BCL11A: variants seen among roughly 807,000 people sequenced by gnomAD.
The protein encoded by BCL11A is B cell CLL/lymphoma 11A.
Under a neutral mutation model 55.9 loss-of-function variants are expected in BCL11A, and 2 were observed. The observed-to-expected ratio is 0.04, with a 90% CI of 0.01 to 0.11. The LOEUF is 0.11. BCL11A is among the 10% of genes least tolerant of loss of function. The pLI, the probability that BCL11A is intolerant of heterozygous loss-of-function variation, is 1.00. For missense variants in BCL11A, 817 were observed against 1,137.1 expected (o/e 0.72, Z 4.05); for synonymous variants, 465 against 473.4 (o/e 0.98, Z 0.23).
chr2:60,540,025 T>G (rs773182523), intron 2 of BCL11A, among the ~76,000 whole-genome samples: 7 of 152,350 alleles, frequency 4.6e-5, no homozygotes, highest in Middle Eastern at 3.4e-3. Flanking sequence ...CATTAAATTA[T>G]ATAGTCTGAA....
chr2:60,553,110 T>A (rs1670489681), intron 1 of BCL11A, 106 bp downstream of exon 1: 2 of 1,243,680 alleles, frequency 1.6e-6, no homozygotes, highest in Admixed American at 2.8e-5. Context: ...TCGTGAAAAA[T>A]TTAAAAATGC....
Position 60,458,008 on chromosome 2 carries a change from A to T in BCL11A, c.*2396T>A. ...TTGCACTATATTATCCTGCCAAATT[A>T]AAAAAATATACTGTGGCAGCCTGTC... is the stretch of plus-strand genomic sequence containing the variant. On this transcript the variant is annotated 3_prime_UTR_variant, in exon 4 of 4. Transcript: ENST00000642384. The T allele has an allele frequency of 9.7e-7, 1 of 1,032,760 alleles. No homozygotes were observed. Among genetic ancestry groups the T allele is most frequent in the Non-Finnish European group, 1.2e-6 (1 of 858,726 alleles). The allele number at this position is 1,032,760 out of a possible 1,614,324, so 64.0% of individuals were successfully genotyped here. A position where few individuals can be genotyped will look rare whatever the true frequency, so the allele number is the denominator to read the frequency against.
chr2:60,512,859 A>G (rs997371055), intron 2 of BCL11A, among the ~76,000 whole-genome samples: 1 of 152,210 alleles, frequency 6.6e-6, no homozygotes, highest in Non-Finnish European at 1.5e-5. Context: ...ATACACACCT[A>G]AAGTAAATGA....
At chr2:60,497,859 A>G (rs191734859) in intron 2 of BCL11A, among the ~76,000 whole-genome samples, 3 of 152,192 alleles carry the variant, frequency 2.0e-5, no homozygotes, top group Admixed American at 1.3e-4. Flanking sequence ...GATCCTGCAC[A>G]TTGTCCTAAA....
intron 2 of BCL11A, among the ~76,000 whole-genome samples, chr2:60,485,017 A>C (rs758099730): frequency 2.6e-5 from 4 of 152,046 alleles, no homozygotes; most frequent in Non-Finnish European, 5.9e-5. Flanking sequence ...TTTAAATCAA[A>C]ATAGGAAATA....
At chr2:60,467,992 AATGGTGGTG>A in intron 3 of BCL11A, among the ~76,000 whole-genome samples, 1 of 3,362 alleles carries the variant, frequency 3.0e-4, no homozygotes, top group South Asian at 0.01. Flanking sequence ...TGGTGGTGGT[AATGGTGGTG>A]GTGGTGATGG....
chr2:60,466,871 T>G lies in BCL11A; in HGVS notation c.487+1861A>C, dbSNP rs549064529. On this transcript the variant is annotated intron_variant, in intron 3 of 3. Transcript: ENST00000642384. Reference sequence around the variant, plus strand: ...TTTTCTTCTTGAACCTGCTTTTTTGTGTTTAGGGTGGAATCACTGCCCACC... The same window carrying G: ...TTTTCTTCTTGAACCTGCTTTTTTGGGTTTAGGGTGGAATCACTGCCCACC... 2.3e-3 allele frequency among the ~76,000 whole-genome samples: 344 copies of G among 152,324 alleles called. 1 individual carries two copies. The highest frequency in any genetic ancestry group is 7.8e-3 in the African/African-American group (325 of 41,570).
intron 2 of BCL11A, chr2:60,537,391 G>A (rs1306863763): frequency 3.9e-5 from 6 of 152,216 alleles, no homozygotes. Flanking sequence ...ATCGGGGCAG[G>A]GGAGTTAAAA....
In BCL11A at chr2:60,468,805, G is replaced by A. The variant is rs1160550306; in HGVS notation, c.414C>T (p.Ser138=). The change falls in exon 3 of 4, where the codon TCC becomes TCT. Residue 138 remains serine (S), a synonymous_variant. Coordinates refer to ENST00000642384, the MANE Select transcript of BCL11A (RefSeq NM_022893.4). ...GAGCTCCATGTGCAGAACGAGGGGA[G>A]GAGAGGCCCCTCCAGTGCAGAAGTT... The part of the protein sequence containing the change: ...ADKLLHWRGL[S]SPRSAHGALI... 4 of 1,607,814 alleles carry A rather than the reference G, an allele frequency of 2.5e-6. No homozygotes were observed. The highest frequency in any genetic ancestry group is 2.2e-5 in the South Asian group (2 of 89,602).
At chr2:60,511,556 T>C (rs1679987966) in intron 2 of BCL11A, among the ~76,000 whole-genome samples, 1 of 152,206 alleles carries the variant, frequency 6.6e-6, no homozygotes, top group Non-Finnish European at 1.5e-5. Context: ...TTCTTCTTTT[T>C]TGGGGCTATT....
chr2:60,536,318 G>A (rs1295820546), intron 2 of BCL11A: 1 of 152,124 alleles, frequency 6.6e-6, no homozygotes, highest in Admixed American at 6.5e-5. Context: ...GGAAAGAGAA[G>A]GGAGAAAAAT....
intron 2 of BCL11A, among the ~76,000 whole-genome samples, chr2:60,497,202 T>C (rs953577118): frequency 2.0e-5 from 3 of 152,210 alleles, no homozygotes; most frequent in South Asian, 2.1e-4. Context: ...TTCCATGCAG[T>C]AGCTAATGAC....
chr2:60,519,978 G>A (rs954536578), intron 2 of BCL11A, among the ~76,000 whole-genome samples: 11 of 152,170 alleles, frequency 7.2e-5, no homozygotes, highest in African/African-American at 2.7e-4. Context: ...TCTGGCAGGA[G>A]AATCATGTCA....
chr2:60,500,164 G>A (rs1410384632), intron 2 of BCL11A, among the ~76,000 whole-genome samples: 1 of 152,258 alleles, frequency 6.6e-6, no homozygotes, highest in African/African-American at 2.4e-5. Context: ...GTGCCCAGAG[G>A]CCTGCGGCTG....
chr2:60,468,015 T>C (rs1245602107), intron 3 of BCL11A, among the ~76,000 whole-genome samples: 3 of 134,582 alleles, frequency 2.2e-5, no homozygotes, highest in African/African-American at 5.7e-5. Context: ...GTGATGGTGG[T>C]GGTGGTGGTA....
At chr2:60,497,702 T>G (rs1679033039) in intron 2 of BCL11A, among the ~76,000 whole-genome samples, 1 of 152,198 alleles carries the variant, frequency 6.6e-6, no homozygotes, top group Non-Finnish European at 1.5e-5. Flanking sequence ...TTACTTTTTT[T>G]GGAAGGCCTT....
chr2:60,461,839 G>C lies in BCL11A; in HGVS notation c.1073C>G (p.Pro358Arg). 6.2e-7 allele frequency: 1 copy of C among 1,612,950 alleles called. No individual in the cohort carries two copies. Among genetic ancestry groups the C allele is most frequent in the Non-Finnish European group, 8.5e-7 (1 of 1,179,110 alleles). The change falls in exon 4 of 4, where the codon CCC becomes CGC. Residue 358 changes from proline (P) to arginine (R), a missense_variant. By Grantham distance (103) the Pro-to-Arg change is moderately radical. Around this residue, in one of 4 missense-constraint regions of BCL11A, gnomAD observed 363 missense variants for 486.6 expected, o/e 0.75. Coordinates refer to ENST00000642384, the MANE Select transcript of BCL11A (RefSeq NM_022893.4). ...PGSKPPFLAT[P>R]PLPPLQSAPP... ...GGCGGATTGCAGAGGAGGGAGGGGG[G>C]GCGTCGCCAGGAAGGGCGGCTTGCT... is the stretch of plus-strand genomic sequence containing the variant.
intron 2 of BCL11A, among the ~76,000 whole-genome samples, chr2:60,492,519 C>G (rs529580985): frequency 6.6e-6 from 1 of 152,134 alleles, no homozygotes; most frequent in Non-Finnish European, 1.5e-5. Flanking sequence ...ATTTCCTCCC[C>G]TTGCTCTCTC....
At chr2:60,500,940 T>C (rs780518437) in intron 2 of BCL11A, among the ~76,000 whole-genome samples, 1 of 152,176 alleles carries the variant, frequency 6.6e-6, no homozygotes, top group Non-Finnish European at 1.5e-5. Context: ...AAAGAGTGTC[T>C]GTGAAGCAAG....
Sources: gnomAD v4.1 joint callset for allele counts (sites outside exome capture counted in the v4.1 genomes callset) on GRCh38, gnomAD v4.1.1 for gene constraint, gnomAD v4.1.1 regional missense constraint, MANE v1.5 for transcripts, NCBI Gene and HGNC (gene_info 2026-07-23, HGNC 2026-07-21) for gene names.